TTC3: variants seen among roughly 807,000 people sequenced by gnomAD.
TTC3 encodes the protein E3 ubiquitin-protein ligase TTC3.
In TTC3, 180 loss-of-function variants were observed where a neutral mutation model predicts 249.6. The observed-to-expected ratio is 0.72, with a 90% CI of 0.64 to 0.82. The LOEUF is 0.82. Among genes scored for constraint, TTC3 ranks in the 40% least tolerant of loss-of-function variants. The probability of loss-of-function intolerance (pLI) is 0.00; values close to 1 mark genes in which losing one functional copy is unlikely to be tolerated. For synonymous variants in TTC3, 717 were observed against 805.0 expected, an observed-to-expected ratio of 0.89 and a Z score of 1.85; for missense variants, 2,061 against 2,398.4, an observed-to-expected ratio of 0.86 and a Z score of 2.94.
chr21:37,162,141 A>G (rs2045798630), intron 31 of TTC3, 78 bp downstream of exon 31: 1 of 891,084 alleles, frequency 1.1e-6, no homozygotes, highest in Non-Finnish European at 1.7e-6. Context: ...TTTAATATAT[A>G]TAAACTTGTG....
intron 39 of TTC3, among the ~76,000 whole-genome samples, chr21:37,188,940 T>C (rs576932000): frequency 1.1e-4 from 17 of 152,238 alleles, no homozygotes; most frequent in Non-Finnish European, 2.1e-4. Context: ...TAATTGAGCA[T>C]AGAAACATGT....
At chr21:37,094,741 C>T (rs1220677304) in intron 8 of TTC3, among the ~76,000 whole-genome samples, 1 of 152,146 alleles carries the variant, frequency 6.6e-6, no homozygotes, top group Non-Finnish European at 1.5e-5. Flanking sequence ...AAATACCGCA[C>T]AAAATTTTAG....
At chr21:37,081,411 C>G (rs1334564566) in intron 1 of TTC3, among the ~76,000 whole-genome samples, 1 of 152,064 alleles carries the variant, frequency 6.6e-6, no homozygotes, top group South Asian at 2.1e-4. Context: ...CCACTGCACC[C>G]AGCCTATTTA....
intron 34 of TTC3, among the ~76,000 whole-genome samples, chr21:37,171,609 C>T (rs1601963554): frequency 6.6e-6 from 1 of 152,274 alleles, no homozygotes; most frequent in East Asian, 1.9e-4. Context: ...ATGGAGGTAA[C>T]TAAAGTCTTA....
chr21:37,166,299 C>T (rs2081251042), exon 33 of TTC3: 1 of 1,614,214 alleles, frequency 6.2e-7, no homozygotes, highest in East Asian at 2.2e-5. Context: ...TATCAGCTAC[C>T]AAGATCAGTA....
rs201326466 is a variant in TTC3, at chr21:37,187,033, C to T, written c.4827-16C>T. On this transcript the variant is annotated splice_polypyrimidine_tract_variant and intron_variant, in intron 37 of 45. Transcript: ENST00000355666. ...TTTTGTTCAAGAAAGTTTTTTTTTT[C>T]CTTCAATATTTGTAGCAACACACTT... 3.8e-3 allele frequency: 5,628 copies of T among 1,479,550 alleles called. 50 individuals are homozygous for T. Among genetic ancestry groups the T allele is most frequent in the South Asian group, 0.02 (1,485 of 73,752 alleles). 91.7% of individuals were successfully genotyped at this position (1,479,550 alleles called of 1,614,324 possible). A position where few individuals can be genotyped will look rare whatever the true frequency, so the allele number is the denominator to read the frequency against.
intron 39 of TTC3, among the ~76,000 whole-genome samples, chr21:37,190,146 T>C (rs1333029779): frequency 0.028 from 3,604 of 128,386 alleles, 196 homozygotes; most frequent in African/African-American, 0.096. Context: ...TTTTTTTTTT[T>C]TTTTTTTTTT....
chr21:37,126,110 T>G (rs2077028149), exon 15 of TTC3: 2 of 1,612,150 alleles, frequency 1.2e-6, no homozygotes, highest in South Asian at 2.2e-5. Context: ...GGTAGATGAT[T>G]GTGACTGTCA....
intron 32 of TTC3, 145 bp downstream of exon 32, chr21:37,164,360 A>G (rs2081057858): frequency 5.3e-6 from 4 of 748,596 alleles, no homozygotes; most frequent in Non-Finnish European, 8.0e-6. Flanking sequence ...TTTTTTTGAG[A>G]CAGAGTCTTG....
intron 1 of TTC3, among the ~76,000 whole-genome samples, chr21:37,079,242 T>C (rs757866704): frequency 1.3e-5 from 2 of 152,198 alleles, no homozygotes; most frequent in Non-Finnish European, 1.5e-5. Context: ...GGCTGTCTTA[T>C]CTGACTTGGG....
At chr21:37,184,723 C>T (rs1327954729) in intron 36 of TTC3, among the ~76,000 whole-genome samples, 1 of 151,246 alleles carries the variant, frequency 6.6e-6, no homozygotes, top group Non-Finnish European at 1.5e-5. Flanking sequence ...CCCATCTCGG[C>T]CTCCCAAAGT....
intron 24 of TTC3, among the ~76,000 whole-genome samples, chr21:37,150,382 A>G (rs927598300): frequency 3.9e-5 from 6 of 152,148 alleles, no homozygotes; most frequent in Non-Finnish European, 7.4e-5. Flanking sequence ...TAATAGGAAA[A>G]GGAGGCTTTT....
intron 11 of TTC3, among the ~76,000 whole-genome samples, chr21:37,121,056 A>T (rs886482577): frequency 5.9e-5 from 9 of 152,214 alleles, no homozygotes; most frequent in Non-Finnish European, 1.0e-4. Flanking sequence ...AGGAGCTAGA[A>T]GCAGGGTTGG....
exon 14 of TTC3, chr21:37,124,710 G>A (rs151026583): frequency 1.7e-4 from 274 of 1,613,036 alleles, no homozygotes; most frequent in Non-Finnish European, 2.2e-4. Flanking sequence ...AATTAATCAC[G>A]AAATGGCCAA....
chr21:37,118,131 T>G (rs3838090), intron 11 of TTC3, among the ~76,000 whole-genome samples: 1 of 141,822 alleles, frequency 7.1e-6, no homozygotes, highest in Non-Finnish European at 1.6e-5. Context: ...CTTTTTTTTT[T>G]AAAACCAGAA....
chr21:37,119,456 ATG>A (rs1392295025), intron 11 of TTC3, among the ~76,000 whole-genome samples: 3 of 151,990 alleles, frequency 2.0e-5, no homozygotes, highest in Non-Finnish European at 4.4e-5. Context: ...TCCCCCAGGG[ATG>A]TGCTGATCAG....
chr21:37,157,621 T>G (rs2148039394), intron 28 of TTC3, among the ~76,000 whole-genome samples: 1 of 152,014 alleles, frequency 6.6e-6, no homozygotes, highest in South Asian at 2.1e-4. Flanking sequence ...AGGGGTAGAG[T>G]CTCAGATGGG....
In TTC3 at chr21:37,090,297, AAC is replaced by A; in HGVS notation, c.480+14_480+15del. 1 of 1,602,842 alleles carries A rather than the reference AAC, an allele frequency of 6.2e-7. No individual in the cohort carries two copies. The highest frequency in any genetic ancestry group is 8.5e-7 in the Non-Finnish European group (1 of 1,173,492). On this transcript the variant is annotated intron_variant, in intron 6 of 45. Coordinates refer to ENST00000355666, the Ensembl canonical transcript of TTC3. ...TGTAAAATAGAAAATGTAAGTGTTA[AAC>A]ACTGAAACTGGCACAGCCACTGTGG...
intron 19 of TTC3, 44 bp downstream of exon 19, chr21:37,138,758 A>T: frequency 1.5e-6 from 2 of 1,312,364 alleles, no homozygotes; most frequent in South Asian, 2.8e-5. Context: ...AATGATATTG[A>T]CATATCTTAT....
Sources: gnomAD v4.1 joint callset for allele counts (sites outside exome capture counted in the v4.1 genomes callset) on GRCh38, gnomAD v4.1.1 for gene constraint, MANE v1.5 for transcripts, NCBI Gene and HGNC (gene_info 2026-07-23, HGNC 2026-07-21) for gene names.